RNF130: variants seen among roughly 807,000 people sequenced by gnomAD.
The protein encoded by RNF130 is ring finger protein 130.
A neutral mutation model predicts 44.6 loss-of-function variants in RNF130; 21 were observed. That is an observed-to-expected ratio of 0.47 (90% CI 0.33 to 0.68). RNF130 has a LOEUF of 0.68. Among genes scored for constraint, RNF130 ranks in the 30% least tolerant of loss-of-function variants. The pLI is 0.02. For synonymous variants in RNF130, 214 were observed against 210.4 expected (o/e 1.02, Z -0.15); for missense variants, 479 against 560.6 (o/e 0.85, Z 1.47).
intron 2 of RNF130, among the ~76,000 whole-genome samples, chr5:180,016,426 T>C (rs1763733795): frequency 6.6e-6 from 1 of 152,168 alleles, no homozygotes; most frequent in South Asian, 2.1e-4. Flanking sequence ...AATTAGACTG[T>C]AACGCTGTAA....
At chr5:180,062,848 A>C (rs952548136) in intron 1 of RNF130, among the ~76,000 whole-genome samples, 1 of 152,190 alleles carries the variant, frequency 6.6e-6, no homozygotes, top group African/African-American at 2.4e-5. Flanking sequence ...TAAGATTCTC[A>C]ATCTGTCCCG....
intron 7 of RNF130, chr5:179,940,127 T>G (rs1162495293): frequency 6.2e-6 from 1 of 161,828 alleles, no homozygotes; most frequent in Non-Finnish European, 1.3e-5. Context: ...CACCTGGACC[T>G]TCATAGTGAC....
chr5:180,049,840 G>A (rs1764649388), intron 1 of RNF130, among the ~76,000 whole-genome samples: 1 of 151,888 alleles, frequency 6.6e-6, no homozygotes, highest in African/African-American at 2.4e-5. Context: ...TTCTGCCTCT[G>A]AATATATTGA....
chr5:179,998,967 CATT>C (rs1303191555), intron 3 of RNF130, among the ~76,000 whole-genome samples: 1 of 147,494 alleles, frequency 6.8e-6, no homozygotes, highest in African/African-American at 2.5e-5. Flanking sequence ...ATCTCTTTAT[CATT>C]ATATTATGAT....
In RNF130 at chr5:179,977,327, T is replaced by C. The variant is rs74522366; in HGVS notation, c.848+876A>G. On this transcript the variant is annotated intron_variant, in intron 5 of 8. Coordinates refer to ENST00000521389, the MANE Select transcript of RNF130 (RefSeq NM_018434.6). This position sits in a 1 kb window ranked among gnomAD's most constrained non-coding sequence, Gnocchi z 4.1. ...GATTTAATCCAAGTCCCTGGAGTTG[T>C]TGTACCCAGAGCCAGGTGAGCTCGA... The C allele has an allele frequency of 3.3e-5, 5 of 152,338 alleles. No homozygotes were observed. Among genetic ancestry groups the C allele is most frequent in the African/African-American group, 1.2e-4 (5 of 41,560 alleles). 9.4% of individuals were successfully genotyped at this position (152,338 alleles called of 1,614,324 possible).
intron 1 of RNF130, among the ~76,000 whole-genome samples, chr5:180,041,961 G>A (rs1268976646): frequency 6.6e-6 from 1 of 152,106 alleles, no homozygotes; most frequent in Non-Finnish European, 1.5e-5. Context: ...GCAGCTACTG[G>A]GGAGGCTGAG....
At chr5:180,066,092 A>G (rs1057354194) in intron 1 of RNF130, among the ~76,000 whole-genome samples, 1 of 152,170 alleles carries the variant, frequency 6.6e-6, no homozygotes, top group African/African-American at 2.4e-5. Flanking sequence ...ACGCCCTCTG[A>G]TATGGTTTGG....
At chr5:179,946,381 C>G (rs1014950047) in intron 7 of RNF130, among the ~76,000 whole-genome samples, 3 of 152,134 alleles carry the variant, frequency 2.0e-5, no homozygotes, top group African/African-American at 7.2e-5. Flanking sequence ...AACCCCGTTT[C>G]AAAATGCTTG....
intron 1 of RNF130, among the ~76,000 whole-genome samples, chr5:180,043,072 C>T (rs1349628693): frequency 6.6e-6 from 1 of 152,188 alleles, no homozygotes; most frequent in Non-Finnish European, 1.5e-5. Context: ...AATCCCAACA[C>T]TTTGGGAGGC....
At chr5:180,046,274 G>A (rs1375062110) in intron 1 of RNF130, among the ~76,000 whole-genome samples, 1 of 152,144 alleles carries the variant, frequency 6.6e-6, no homozygotes, top group Non-Finnish European at 1.5e-5. Flanking sequence ...GGCCAGCCCA[G>A]AGAGGGGCTC....
chr5:180,011,600 T>C (rs1005864822), intron 3 of RNF130, among the ~76,000 whole-genome samples: 2 of 152,002 alleles, frequency 1.3e-5, no homozygotes, highest in Non-Finnish European at 2.9e-5. Flanking sequence ...ACCTGGCCTG[T>C]GCAAAAAAAT....
intron 7 of RNF130, among the ~76,000 whole-genome samples, chr5:179,949,666 T>C (rs1030002019): frequency 6.6e-6 from 1 of 152,230 alleles, no homozygotes; most frequent in African/African-American, 2.4e-5. Flanking sequence ...TATTTGTAAA[T>C]CTGACTTCTT....
intron 1 of RNF130, among the ~76,000 whole-genome samples, chr5:180,048,500 C>T (rs574929894): frequency 3.9e-5 from 6 of 152,148 alleles, no homozygotes; most frequent in South Asian, 4.2e-4. Context: ...AGGCCAGGTG[C>T]GGTGGCTCAT....
intron 7 of RNF130, among the ~76,000 whole-genome samples, chr5:179,948,873 A>C (rs1375838614): frequency 6.6e-6 from 1 of 152,148 alleles, no homozygotes; most frequent in Non-Finnish European, 1.5e-5. Context: ...TGCTGGGTAG[A>C]ATCAGGGGCA....
intron 1 of RNF130, among the ~76,000 whole-genome samples, chr5:180,061,340 C>T (rs1421683456): frequency 2.6e-5 from 4 of 152,182 alleles, no homozygotes; most frequent in African/African-American, 7.2e-5. Flanking sequence ...GCTCGACTCT[C>T]TCCTGTGCTG....
At chr5:179,982,300 G>A (rs1284710635) in intron 3 of RNF130, among the ~76,000 whole-genome samples, 2 of 151,368 alleles carry the variant, frequency 1.3e-5, no homozygotes, top group East Asian at 3.9e-4. Context: ...CTGTTGATGG[G>A]ACATCTGCAC....
chr5:179,995,623 T>A (rs955070164), intron 3 of RNF130, among the ~76,000 whole-genome samples: 1 of 152,208 alleles, frequency 6.6e-6, no homozygotes, highest in Non-Finnish European at 1.5e-5. Flanking sequence ...GGTTGTTCCT[T>A]CTCAATGTCT....
chr5:180,019,251 G>T (rs150049084), intron 2 of RNF130, among the ~76,000 whole-genome samples: 33,184 of 151,692 alleles, frequency 0.22, 4,525 homozygotes, highest in East Asian at 0.48. Context: ...GGGCGTGGTG[G>T]CGGGCACCTG....
At chr5:180,002,328 T>A (rs1763362656) in intron 3 of RNF130, among the ~76,000 whole-genome samples, 1 of 152,132 alleles carries the variant, frequency 6.6e-6, no homozygotes, top group African/African-American at 2.4e-5. Context: ...GAGCCAACAG[T>A]TGCTCCCAGC....
Sources: gnomAD v4.1 joint callset for allele counts (sites outside exome capture counted in the v4.1 genomes callset) on GRCh38, gnomAD v4.1.1 for gene constraint, Gnocchi (gnomAD v3.1) non-coding constraint, MANE v1.5 for transcripts, NCBI Gene and HGNC (gene_info 2026-07-23, HGNC 2026-07-21) for gene names.